MIA2: variants seen among roughly 807,000 people sequenced by gnomAD.
The protein encoded by MIA2 is MIA SH3 domain ER export factor 2.
A neutral mutation model predicts 167.8 loss-of-function variants in MIA2; 127 were observed. The ratio of observed to expected loss-of-function variants is 0.76; its 90% CI spans 0.66 to 0.88. The LOEUF (loss-of-function observed/expected upper bound fraction) is 0.88. MIA2 is among the 40% of genes least tolerant of loss of function. MIA2 has a pLI of 0.00. For synonymous variants in MIA2, 552 were observed against 541.9 expected, an observed-to-expected ratio of 1.02 and a Z score of -0.26; for missense variants, 1,690 against 1,624.7, an observed-to-expected ratio of 1.04 and a Z score of -0.69.
At chr14:39,277,331 G>A (rs190219969) in intron 7 of MIA2, among the ~76,000 whole-genome samples, 2 of 151,818 alleles carry the variant, frequency 1.3e-5, no homozygotes, top group African/African-American at 2.4e-5. Context: ...TTTGTGACCA[G>A]CCTGGGCAAC....
chr14:39,347,388 A>G (rs1209416931), intron 26 of MIA2, among the ~76,000 whole-genome samples: 1 of 152,098 alleles, frequency 6.6e-6, no homozygotes, highest in Non-Finnish European at 1.5e-5. Context: ...AGAAGAGGAT[A>G]GGAGGCAAAC....
At chr14:39,356,730 C>T (rs2074538017) in intron 23 of MIA2, among the ~76,000 whole-genome samples, 1 of 152,038 alleles carries the variant, frequency 6.6e-6, no homozygotes, top group African/African-American at 2.4e-5. Context: ...TGAATGTGTC[C>T]CAGAGATTCT....
chr14:39,381,234 A>G (rs567334412), intron 23 of MIA2, among the ~76,000 whole-genome samples: 2 of 152,198 alleles, frequency 1.3e-5, no homozygotes, highest in African/African-American at 4.8e-5. Context: ...GAGGAAGGAA[A>G]GATAGGCAGA....
chr14:39,317,580 C>T (rs148152024), intron 21 of MIA2, among the ~76,000 whole-genome samples: 1 of 152,150 alleles, frequency 6.6e-6, no homozygotes, highest in African/African-American at 2.4e-5. Context: ...AATAAAGTCT[C>T]AACTACACAA....
intron 26 of MIA2, 54 bp from the exon 27 acceptor site, chr14:39,347,659 C>T (rs1267873554): frequency 5.7e-6 from 9 of 1,576,484 alleles, no homozygotes; most frequent in Non-Finnish European, 7.8e-6. Flanking sequence ...TGGAGATACT[C>T]TAGGAATAAA....
At chr14:39,330,213 A>G (rs965239242) in intron 25 of MIA2, among the ~76,000 whole-genome samples, 14 of 152,216 alleles carry the variant, frequency 9.2e-5, no homozygotes, top group Admixed American at 2.0e-4. Flanking sequence ...GTGTGTGTCC[A>G]GGAATTTATC....
chr14:39,290,662 C>T (rs139833860), intron 9 of MIA2, among the ~76,000 whole-genome samples: 2 of 152,258 alleles, frequency 1.3e-5, no homozygotes, highest in African/African-American at 2.4e-5. Flanking sequence ...CGTAAAAATA[C>T]GCTCTTTGAG....
At chr14:39,288,454 TATATATA>T (rs1234971915) in intron 9 of MIA2, among the ~76,000 whole-genome samples, 168 of 13,876 alleles carry the variant, frequency 0.012, 17 homozygotes, top group African/African-American at 0.024. Context: ...TATATATATA[TATATATA>T]TATATATATA....
intron 6 of MIA2, among the ~76,000 whole-genome samples, chr14:39,263,890 T>A (rs531532862): frequency 2.6e-5 from 4 of 152,170 alleles, no homozygotes; most frequent in African/African-American, 9.7e-5. Context: ...CGCCTTGGCC[T>A]CCCAAAGTGC....
At chr14:39,297,699 T>TGTGTG (rs1228446895) in intron 13 of MIA2, among the ~76,000 whole-genome samples, 18 of 63,360 alleles carry the variant, frequency 2.8e-4, no homozygotes, top group South Asian at 1.5e-3. Flanking sequence ...GTGTGTGTGT[T>TGTGTG]TGTGTGTGTG....
chr14:39,240,756 A>G, intron 3 of MIA2, 109 bp downstream of exon 3: 1 of 658,272 alleles, frequency 1.5e-6, no homozygotes, highest in South Asian at 2.0e-5. Context: ...GTAAATGCAT[A>G]AAATAGTTGG....
Position 39,303,459 on chromosome 14 carries a change from C to G in MIA2, c.2741-19C>G. On this transcript the variant is annotated intron_variant, in intron 15 of 28. Coordinates refer to ENST00000640607, the MANE Select transcript of MIA2 (RefSeq NM_001329214.4). ...ACTATTTTCCCAAATCATTGTTGTGCTTTTGATTTTCACTGTAGATAATCC... is the reference window on the plus strand; with the variant it reads ...ACTATTTTCCCAAATCATTGTTGTGGTTTTGATTTTCACTGTAGATAATCC... 1 of 1,595,680 alleles carries G rather than the reference C, an allele frequency of 6.3e-7. No individual in the cohort carries two copies. The highest frequency in any genetic ancestry group is 8.6e-7 in the Non-Finnish European group (1 of 1,166,176).
intron 23 of MIA2, among the ~76,000 whole-genome samples, chr14:39,360,193 T>C (rs939538619): frequency 6.6e-6 from 1 of 152,088 alleles, no homozygotes; most frequent in African/African-American, 2.4e-5. Context: ...TCCTAGCTAC[T>C]TGGGAGGCTG....
chr14:39,273,044 T>C (rs985965860), intron 6 of MIA2, among the ~76,000 whole-genome samples: 1 of 152,194 alleles, frequency 6.6e-6, no homozygotes, highest in Non-Finnish European at 1.5e-5. Context: ...AGTTTTTCTA[T>C]AGGTTCTTTA....
intron 21 of MIA2, among the ~76,000 whole-genome samples, chr14:39,316,371 C>T (rs2065436878): frequency 6.6e-6 from 1 of 152,176 alleles, no homozygotes. Context: ...TGGGTGAATA[C>T]ATGGAGTTTG....
intron 7 of MIA2, among the ~76,000 whole-genome samples, chr14:39,277,672 TTATATATATATATATGTGTGTATATATA>T (rs1566682030): frequency 6.6e-5 from 2 of 30,162 alleles, no homozygotes; most frequent in African/African-American, 1.9e-4. Context: ...GTAAGATCTT[TTATATATATATATATGTGTGTATATATA>T]TATATATATA....
At chr14:39,277,680 A>G (rs867470827) in intron 7 of MIA2, among the ~76,000 whole-genome samples, 1 of 14,396 alleles carries the variant, frequency 6.9e-5, no homozygotes, top group African/African-American at 3.8e-4. Flanking sequence ...TTTTATATAT[A>G]TATATATGTG....
chr14:39,238,811 A>AAAAAAAAAACAAAAAAC, intron 2 of MIA2, among the ~76,000 whole-genome samples: 6 of 103,636 alleles, frequency 5.8e-5, no homozygotes, highest in African/African-American at 1.6e-4. Context: ...AAAAAAAAAA[A>AAAAAAAAAACAAAAAAC]CCCAAAAAAC....
rs759594884 is a variant in MIA2, at chr14:39,372,473, C to T, written c.2249-14412C>T. 1.3e-5 allele frequency among the ~76,000 whole-genome samples: 2 copies of T among 152,172 alleles called. 1 individual carries two copies. Among genetic ancestry groups the T allele is most frequent in the Admixed American group, 1.3e-4 (2 of 15,282 alleles). On this transcript the variant is annotated intron_variant, in intron 23 of 23. Transcript: ENST00000341502. ...ATTAAGGATGTATATAATAGAAGTT[C>T]AGTTTCCAAATCGGACCAGGCAGCA...
Sources: allele counts gnomAD v4.1 joint callset (sites outside exome capture counted in the v4.1 genomes callset), GRCh38; gene constraint gnomAD v4.1.1; transcripts MANE v1.5; gene names NCBI Gene and HGNC (gene_info 2026-07-23, HGNC 2026-07-21).